Variants in EFCAB5 observed in about 807,000 individuals in gnomAD.
EFCAB5 encodes EF-hand calcium-binding domain-containing protein 5.
A neutral mutation model predicts 167.9 loss-of-function variants in EFCAB5; 131 were observed. That is an observed-to-expected ratio of 0.78 (90% CI 0.68 to 0.90). EFCAB5 has a LOEUF of 0.90. Ranked by LOEUF, EFCAB5 falls within the 40% of genes least tolerant of loss-of-function variation. The pLI, the probability that EFCAB5 is intolerant of heterozygous loss-of-function variation, is 0.00. For synonymous variants in EFCAB5, 574 were observed against 602.8 expected, an observed-to-expected ratio of 0.95 and a Z score of 0.70; for missense variants, 1,663 against 1,745.2, an observed-to-expected ratio of 0.95 and a Z score of 0.84.
At chr17:30,023,305 G>A (rs977735868) in intron 7 of EFCAB5, among the ~76,000 whole-genome samples, 3 of 152,084 alleles carry the variant, frequency 2.0e-5, no homozygotes, top group South Asian at 2.1e-4. Flanking sequence ...AAGAAAAAAC[G>A]AGAGAAGAAT....
chr17:30,011,454 ATTTG>A (rs1362905026), intron 7 of EFCAB5, among the ~76,000 whole-genome samples: 1 of 152,198 alleles, frequency 6.6e-6, no homozygotes, highest in African/African-American at 2.4e-5. Flanking sequence ...ATGTTCTTCC[ATTTG>A]TTTGTGCCCT....
chr17:30,007,222 A>G (rs867940996), intron 7 of EFCAB5, among the ~76,000 whole-genome samples: 16 of 152,182 alleles, frequency 1.1e-4, no homozygotes, highest in African/African-American at 3.4e-4. Flanking sequence ...TGGGTAGACA[A>G]GCAGTGGATA....
intron 14 of EFCAB5, among the ~76,000 whole-genome samples, chr17:30,061,137 A>C (rs2070414362): frequency 6.6e-6 from 1 of 152,190 alleles, no homozygotes; most frequent in Non-Finnish European, 1.5e-5. Flanking sequence ...GCAAATGAGA[A>C]CCAGGACAGC....
At chr17:30,088,905 A>C (rs1194986238) in intron 19 of EFCAB5, among the ~76,000 whole-genome samples, 2 of 152,366 alleles carry the variant, frequency 1.3e-5, no homozygotes, top group Non-Finnish European at 2.9e-5. Flanking sequence ...AAGTCCTTGT[A>C]ATACCCAGAC....
chr17:29,952,712 G>C (rs1018511742), intron 3 of EFCAB5, among the ~76,000 whole-genome samples: 1 of 151,952 alleles, frequency 6.6e-6, no homozygotes, highest in African/African-American at 2.4e-5. Context: ...TCCTTAGATA[G>C]AATAAAAATA....
chr17:30,069,738 G>A, intron 14 of EFCAB5: 1 of 809,198 alleles, frequency 1.2e-6, no homozygotes, highest in Non-Finnish European at 2.0e-6. Context: ...CTGGAGCATG[G>A]TATGACCACA....
chr17:30,108,076 C>G lies in EFCAB5; in HGVS notation c.*52C>G, dbSNP rs115927878. 2.7e-5 allele frequency: 42 copies of G among 1,529,568 alleles called. No individual in the cohort carries two copies. In the African/African-American group the frequency reaches 5.7e-4, roughly 21 times the overall value. 94.7% of individuals were successfully genotyped at this position (1,529,568 alleles called of 1,614,324 possible). A position where few individuals can be genotyped will look rare whatever the true frequency, so the allele number is the denominator to read the frequency against. ...GTATTTAGGATCCTTTGTTTGTTAT[C>G]AGTTTTGTTTGTTAACTATAAAATA... On this transcript the variant is annotated 3_prime_UTR_variant, in exon 23 of 23. Coordinates refer to ENST00000394835, the MANE Select transcript of EFCAB5 (RefSeq NM_198529.4).
At position 30,057,964 on chromosome 17, in the gene EFCAB5, C is replaced by T. The variant is rs1292575591; in HGVS notation, c.2580+74C>T. On this transcript the variant is annotated intron_variant, in intron 13 of 22. Transcript: ENST00000394835. ...TAAATCTCTCAACCTCAGTTGCTCCCGATGTGGCTCGTGTTAAAAAATGTA... is the reference window on the plus strand; with the variant it reads ...TAAATCTCTCAACCTCAGTTGCTCCTGATGTGGCTCGTGTTAAAAAATGTA... 5 of 1,342,910 alleles carry T rather than the reference C, an allele frequency of 3.7e-6. No individual in the cohort carries two copies. In the South Asian group the frequency reaches 4.2e-5, roughly 11 times the overall value. 83.2% of individuals were successfully genotyped at this position (1,342,910 alleles called of 1,614,324 possible). A position where few individuals can be genotyped will look rare whatever the true frequency, so the allele number is the denominator to read the frequency against.
intron 7 of EFCAB5, among the ~76,000 whole-genome samples, chr17:30,022,112 A>T (rs1311890172): frequency 2.6e-5 from 4 of 152,172 alleles, no homozygotes; most frequent in Non-Finnish European, 5.9e-5. Flanking sequence ...AACAGGTGAT[A>T]ATCTGTTTGT....
rs75968999 is a variant in EFCAB5, at chr17:30,040,573, T to C, written c.1200+6188T>C. Among the ~76,000 whole-genome samples the C allele has an allele frequency of 3.8e-3, 573 of 152,342 alleles. 23 individuals carry two copies. The East Asian group carries it at 0.094, about 25-fold the overall frequency. ...TTAACAGCTATAGTAAGTATACTCC[T>C]TAGGTGCTATGTTGTACCATACATC... On this transcript the variant is annotated intron_variant, in intron 8 of 22. Transcript: ENST00000394835.
intron 15 of EFCAB5, among the ~76,000 whole-genome samples, chr17:30,079,393 A>T (rs572288560): frequency 6.6e-6 from 1 of 152,230 alleles, no homozygotes; most frequent in African/African-American, 2.4e-5. Flanking sequence ...AAACCCAAAT[A>T]TATAGAAAGA....
intron 1 of EFCAB5, among the ~76,000 whole-genome samples, chr17:29,933,214 A>C (rs2067216986): frequency 6.6e-6 from 1 of 152,216 alleles, no homozygotes; most frequent in African/African-American, 2.4e-5. Context: ...GTATGTAGAA[A>C]TATAGAAGAA....
chr17:30,083,059 T>C lies in EFCAB5; in HGVS notation c.3579+16T>C, dbSNP rs1426121834. The C allele has an allele frequency of 6.2e-7, 1 of 1,612,536 alleles. No individual in the cohort carries two copies. Among genetic ancestry groups the C allele is most frequent in the Non-Finnish European group, 8.5e-7 (1 of 1,179,222 alleles). On this transcript the variant is annotated intron_variant, in intron 18 of 22. Transcript: ENST00000394835. Reference sequence around the variant, plus strand: ...CCCAGCCCAGGTAGGCAAGGCTCAGTAGTGGTAGATCTCTCCAAGGTAGCC... The same window carrying C: ...CCCAGCCCAGGTAGGCAAGGCTCAGCAGTGGTAGATCTCTCCAAGGTAGCC...
At chr17:29,991,149 G>T (rs569839975) in intron 4 of EFCAB5, among the ~76,000 whole-genome samples, 1 of 152,176 alleles carries the variant, frequency 6.6e-6, no homozygotes, top group East Asian at 1.9e-4. Context: ...ACTCACCACG[G>T]GGACTGCTTA....
In EFCAB5 at chr17:30,082,982, A is replaced by G. The variant is rs752105258; in HGVS notation, c.3518A>G (p.Tyr1173Cys). Reference sequence around the variant, plus strand: ...GTGATCACTGGCATAGGCTGGCTTTATGACGTCACATCCAGCATCACCTCC... The same window carrying G: ...GTGATCACTGGCATAGGCTGGCTTTGTGACGTCACATCCAGCATCACCTCC... ...HIVITGIGWLYDVTSSITSIT... is the reference protein window; with the variant it reads ...HIVITGIGWLCDVTSSITSIT... The change falls in exon 18 of 23, where the codon TAT becomes TGT. Residue 1173 changes from tyrosine (Y) to cysteine (C), a missense_variant. Coordinates refer to ENST00000394835, the MANE Select transcript of EFCAB5 (RefSeq NM_198529.4). 11 of 1,613,970 alleles carry G rather than the reference A, an allele frequency of 6.8e-6. No individual in the cohort carries two copies. In the Middle Eastern group the frequency reaches 1.3e-3, roughly 194 times the overall value.
At chr17:30,078,115 T>C in intron 14 of EFCAB5, 100 bp from the exon 15 acceptor site, 1 of 1,317,622 alleles carries the variant, frequency 7.6e-7, no homozygotes, top group Non-Finnish European at 1.0e-6. Context: ...AGGAGAGCAG[T>C]TGCCCAGGGC....
At chr17:29,942,020 C>T (rs771113795) in intron 1 of EFCAB5, among the ~76,000 whole-genome samples, 182 bp downstream of exon 1, 1 of 152,078 alleles carries the variant, frequency 6.6e-6, no homozygotes, top group Non-Finnish European at 1.5e-5. Context: ...TGAGTCATGG[C>T]GACCTGCTTC....
chr17:30,058,245 T>C (rs143936972), intron 13 of EFCAB5, among the ~76,000 whole-genome samples: 5 of 152,300 alleles, frequency 3.3e-5, no homozygotes, highest in Admixed American at 3.3e-4. Flanking sequence ...ACACCTGGGG[T>C]ATGATTATGG....
intron 3 of EFCAB5, among the ~76,000 whole-genome samples, chr17:29,965,250 T>C (rs922936779): frequency 3.3e-5 from 5 of 152,174 alleles, no homozygotes; most frequent in Non-Finnish European, 4.4e-5. Context: ...ATTTGTCTCT[T>C]ATTATTTTCT....
Sources: allele counts gnomAD v4.1 joint callset (sites outside exome capture counted in the v4.1 genomes callset), GRCh38; gene constraint gnomAD v4.1.1; transcripts MANE v1.5; gene names NCBI Gene and HGNC (gene_info 2026-07-23, HGNC 2026-07-21).